The following NET1 variants were observed in gnomAD, a reference collection of about 807,000 sequenced individuals.
NET1 encodes the protein neuroepithelial cell transforming 1, also known as neuroepithelial cell-transforming gene 1 protein.
A neutral mutation model predicts 61.1 loss-of-function variants in NET1; 42 were observed. The ratio of observed to expected loss-of-function variants is 0.69; its 90% CI spans 0.54 to 0.89. The LOEUF is 0.89. NET1 is among the 40% of genes least tolerant of loss of function. NET1 has a pLI of 0.00. For synonymous variants in NET1, 254 were observed against 281.8 expected, an observed-to-expected ratio of 0.90 and a Z score of 0.99; for missense variants, 654 against 747.3, an observed-to-expected ratio of 0.88 and a Z score of 1.46.
In NET1 at chr10:5,435,947, G is replaced by C. The variant is rs1021780068; in HGVS notation, c.255+6718G>C. Among the ~76,000 whole-genome samples, 1 of 151,740 alleles carries C rather than the reference G, an allele frequency of 6.6e-6. No individual in the cohort carries two copies. The highest frequency in any genetic ancestry group is 1.5e-5 in the Non-Finnish European group (1 of 67,918). On this transcript the variant is annotated intron_variant, in intron 3 of 11. Coordinates refer to ENST00000355029, the MANE Select transcript of NET1 (RefSeq NM_001047160.3). This position sits in a 1 kb window ranked among gnomAD's most constrained non-coding sequence, Gnocchi z 5.0. ...ACAATCTTTCCTTTTTATTTTGATA[G>C]GAAGAGTCAAAAGTGACTGTTGACT...
Position 5,452,626 on chromosome 10 carries a change from T to A in NET1, c.531+101T>A. The A allele has an allele frequency of 7.9e-7, 1 of 1,259,786 alleles. No individual in the cohort carries two copies. The highest frequency in any genetic ancestry group is 1.5e-5 in the African/African-American group (1 of 67,236). 78.0% of individuals were successfully genotyped at this position (1,259,786 alleles called of 1,614,324 possible). On this transcript the variant is annotated intron_variant, in intron 5 of 11. Transcript: ENST00000355029. This position sits in a 1 kb window ranked among gnomAD's most constrained non-coding sequence, Gnocchi z 4.0. ...TTTGTGTTTGAGCAACAATTCCTAA[T>A]ACATGGTGAACAAAACCTAATGATG...
rs1388218019 is a variant in NET1, at chr10:5,446,500, A to C, written c.256-5330A>C. The C allele has an allele frequency of 3.0e-6, 3 of 1,004,228 alleles. No homozygotes were observed. The highest frequency in any genetic ancestry group is 3.7e-6 in the Non-Finnish European group (3 of 821,666). 62.2% of individuals were successfully genotyped at this position (1,004,228 alleles called of 1,614,324 possible). ...AAAGCTGAGAGGCCTAGGTGTGCCC[A>C]GCTCTCAGTTAACTGAAGTCACGTG... On this transcript the variant is annotated intron_variant, in intron 3 of 11. Coordinates refer to ENST00000355029, the MANE Select transcript of NET1 (RefSeq NM_001047160.3). This position sits in a 1 kb window ranked among gnomAD's most constrained non-coding sequence, Gnocchi z 5.0.
Position 5,429,159 on chromosome 10 carries a change from T to C in NET1, c.196-11T>C, listed in dbSNP as rs746772393. The C allele has an allele frequency of 6.3e-7, 1 of 1,594,762 alleles. No individual in the cohort carries two copies. Among genetic ancestry groups the C allele is most frequent in the Non-Finnish European group, 8.6e-7 (1 of 1,165,406 alleles). The stretch of plus-strand genomic sequence containing the variant: ...TTTTATATGAGAATGAAATCTCTAT[T>C]TTTCTTTTAGAAAAGAAAACGCAGA... On this transcript the variant is annotated splice_polypyrimidine_tract_variant and intron_variant, in intron 2 of 11. Coordinates refer to ENST00000355029, the MANE Select transcript of NET1 (RefSeq NM_001047160.3).
rs1832365876 is a variant in NET1 at position 5,432,574 on chromosome 10, TTTA to T, written c.255+3348_255+3350del. Among the ~76,000 whole-genome samples the T allele has an allele frequency of 1.0e-4, 15 of 145,656 alleles. No homozygotes were observed. In the South Asian group the frequency reaches 2.9e-3, roughly 29 times the overall value. On this transcript the variant is annotated intron_variant, in intron 3 of 11. Coordinates refer to ENST00000355029, the MANE Select transcript of NET1 (RefSeq NM_001047160.3). ...AGCTCATTTGGTTTTTAAAAAAAATTTTATTGTTTAAGAATTACTGCTTTTTAA... is the reference window on the plus strand; with the variant it reads ...AGCTCATTTGGTTTTTAAAAAAAATTTTGTTTAAGAATTACTGCTTTTTAA...
rs1339314577 is a variant in NET1, at chr10:5,453,209, C to T, written c.595-41C>T. 3 of 1,135,370 alleles carry T rather than the reference C, an allele frequency of 2.6e-6. No homozygotes were observed. The African/African-American group carries it at 4.6e-5, about 17-fold the overall frequency. The allele number at this position is 1,135,370 out of a possible 1,614,324, so 70.3% of individuals were successfully genotyped here. ...CCAAGTATAGATCCCTCATGTTTTCCTCACATGATCTCTCTGTGACACATT... is the reference window on the plus strand; with the variant it reads ...CCAAGTATAGATCCCTCATGTTTTCTTCACATGATCTCTCTGTGACACATT... On this transcript the variant is annotated intron_variant, in intron 6 of 11. Coordinates refer to ENST00000355029, the MANE Select transcript of NET1 (RefSeq NM_001047160.3). This position sits in a 1 kb window ranked among gnomAD's most constrained non-coding sequence, Gnocchi z 4.9.
rs79449479 is a variant in NET1 at position 5,448,582 on chromosome 10, T to C, written c.256-3248T>C. Among the ~76,000 whole-genome samples the C allele has an allele frequency of 9.5e-3, 1,445 of 152,228 alleles. 18 individuals carry two copies. The highest frequency in any genetic ancestry group is 0.033 in the African/African-American group (1,374 of 41,516). ...ACTTTTTTTCCCTCCAAGTGAACTT[T>C]AGCCCTGGTGAAAGGTTCCCTGCAG... On this transcript the variant is annotated intron_variant, in intron 3 of 11. Coordinates refer to ENST00000355029, the MANE Select transcript of NET1 (RefSeq NM_001047160.3).
At chr10:5,436,243 TATA>T (rs1832434831) in intron 3 of NET1, among the ~76,000 whole-genome samples, 1 of 31,480 alleles carries the variant, frequency 3.2e-5, no homozygotes, top group South Asian at 1.0e-3. Context: ...TATATATATA[TATA>T]TATTTTTTTT....
rs1410192394 is a variant in NET1, at chr10:5,440,032, TTG to T, written c.255+10804_255+10805del. On this transcript the variant is annotated intron_variant, in intron 3 of 11. Coordinates refer to ENST00000355029, the MANE Select transcript of NET1 (RefSeq NM_001047160.3). The surrounding 1 kb of genome is among the most constrained non-coding windows in gnomAD (Gnocchi z 4.1). ...GGAGATCCCAGAAAGCCTCAGGCCG[TTG>T]GATCTATTAAAACTTTTCCAACATG... Among the ~76,000 whole-genome samples, 2 of 152,176 alleles carry T rather than the reference TTG, an allele frequency of 1.3e-5. No homozygotes were observed. The highest frequency in any genetic ancestry group is 2.9e-5 in the Non-Finnish European group (2 of 68,018).
In NET1 at chr10:5,453,906, G is replaced by A. The variant is rs535081321; in HGVS notation, c.768+346G>A. 6.6e-6 allele frequency among the ~76,000 whole-genome samples: 1 copy of A among 152,206 alleles called. No individual in the cohort carries two copies. The highest frequency in any genetic ancestry group is 2.1e-4 in the South Asian group (1 of 4,824). On this transcript the variant is annotated intron_variant, in intron 8 of 11. Coordinates refer to ENST00000355029, the MANE Select transcript of NET1 (RefSeq NM_001047160.3). This position sits in a 1 kb window ranked among gnomAD's most constrained non-coding sequence, Gnocchi z 4.9. Reference sequence around the variant, plus strand: ...GAGTCGCTGGGAGTCAGTGATGAAAGGCAGTCTCTGCCTTTATAGCCTAGT... The same window carrying A: ...GAGTCGCTGGGAGTCAGTGATGAAAAGCAGTCTCTGCCTTTATAGCCTAGT...
In NET1 at chr10:5,412,862, A is replaced by G. The variant is rs565461791; in HGVS notation, c.128+42A>G. The G allele has an allele frequency of 5.7e-5, 54 of 943,720 alleles. 1 individual carries two copies. The highest frequency in any genetic ancestry group is 4.5e-4 in the Admixed American group (6 of 13,466). 58.5% of individuals were successfully genotyped at this position (943,720 alleles called of 1,614,324 possible). A position where few individuals can be genotyped will look rare whatever the true frequency, so the allele number is the denominator to read the frequency against. ...GGAGGGCCGAACGGGAGGTGAGTGT[A>G]GGGGAGCGGAGGGCCGAACGGGAGG... On this transcript the variant is annotated intron_variant, in intron 1 of 11. Transcript: ENST00000355029. This position sits in a 1 kb window ranked among gnomAD's most constrained non-coding sequence, Gnocchi z 6.5.
At chr10:5,436,162 GGTGT>G (rs373772351) in intron 3 of NET1, among the ~76,000 whole-genome samples, 7 of 70,070 alleles carry the variant, frequency 1.0e-4, no homozygotes, top group South Asian at 6.2e-4. Flanking sequence ...GTTAAAAGGA[GGTGT>G]GTGTGTGTGT....
chr10:5,414,837 G>A (rs1247797780), intron 1 of NET1, among the ~76,000 whole-genome samples: 1 of 152,158 alleles, frequency 6.6e-6, no homozygotes, highest in Non-Finnish European at 1.5e-5. Flanking sequence ...AGCTATGGAT[G>A]ATATATAGTT....
Position 5,447,774 on chromosome 10 carries a change from T to A in NET1, c.256-4056T>A, listed in dbSNP as rs1187401426. Among the ~76,000 whole-genome samples, 1 of 152,244 alleles carries A rather than the reference T, an allele frequency of 6.6e-6. No homozygotes were observed. The highest frequency in any genetic ancestry group is 1.5e-5 in the Non-Finnish European group (1 of 68,048). On this transcript the variant is annotated intron_variant, in intron 3 of 11. Coordinates refer to ENST00000355029, the MANE Select transcript of NET1 (RefSeq NM_001047160.3). The surrounding 1 kb of genome is among the most constrained non-coding windows in gnomAD (Gnocchi z 4.1). ...TTTGGTGTGGTTTGGCTTTGGTTTT[T>A]GTTCTTGGTTTTGGTCTTTGCCTAT... is the stretch of plus-strand genomic sequence containing the variant.
chr10:5,453,512 C>G lies in NET1; in HGVS notation c.720C>G (p.Thr240=). The G allele has an allele frequency of 6.2e-7, 1 of 1,614,034 alleles. No individual in the cohort carries two copies. The highest frequency in any genetic ancestry group is 8.5e-7 in the Non-Finnish European group (1 of 1,180,012). Residue 240 remains threonine, a synonymous_variant, in exon 8 of 12, where the codon ACC becomes ACG. Transcript: ENST00000355029. This position sits in a 1 kb window ranked among gnomAD's most constrained non-coding sequence, Gnocchi z 4.9. ...TGTTGACAAGAATAGGAGAAGCAAC[C>G]AAGCCTGATGGAACAGTGGAGCAGA... ...EDLLTRIGEA[T]KPDGTVEQIG...
intron 3 of NET1, among the ~76,000 whole-genome samples, chr10:5,429,721 T>C (rs1289677078): frequency 6.6e-6 from 1 of 152,304 alleles, no homozygotes; most frequent in East Asian, 1.9e-4. Context: ...GTATGTGACA[T>C]AGAATAAACT....
chr10:5,455,147 C>T lies in NET1; in HGVS notation c.1197+29C>T, dbSNP rs1832776464. On this transcript the variant is annotated intron_variant, in intron 10 of 11. Coordinates refer to ENST00000355029, the MANE Select transcript of NET1 (RefSeq NM_001047160.3). The surrounding 1 kb of genome is among the most constrained non-coding windows in gnomAD (Gnocchi z 6.5). ...GGTGACTTTTGCTGCCGTGGCAGAG[C>T]AGCCTTCCCTCCTGCCTCTTTAACT... The T allele has an allele frequency of 1.2e-6, 2 of 1,606,552 alleles. No homozygotes were observed. The highest frequency in any genetic ancestry group is 1.7e-6 in the Non-Finnish European group (2 of 1,174,826).
intron 1 of NET1, among the ~76,000 whole-genome samples, chr10:5,425,020 C>T (rs890594923): frequency 1.3e-5 from 2 of 152,210 alleles, no homozygotes; most frequent in African/African-American, 2.4e-5. Context: ...TCTCTGAGTG[C>T]AGTAAGTGAG....
chr10:5,430,601 C>T (rs1376228184), intron 3 of NET1, among the ~76,000 whole-genome samples: 1 of 152,020 alleles, frequency 6.6e-6, no homozygotes, highest in African/African-American at 2.4e-5. Context: ...TCTTGAATTC[C>T]AGACTCGGCC....
Position 5,443,618 on chromosome 10 carries a change from G to T in NET1, c.256-8212G>T, listed in dbSNP as rs1247669048. Reference sequence around the variant, plus strand: ...CATGTTCATCATTCCTTTTTTAGATGCTGTCTACATTTAGACCCCAAACCT... The same window carrying T: ...CATGTTCATCATTCCTTTTTTAGATTCTGTCTACATTTAGACCCCAAACCT... On this transcript the variant is annotated intron_variant, in intron 3 of 11. Transcript: ENST00000355029. The surrounding 1 kb of genome is among the most constrained non-coding windows in gnomAD (Gnocchi z 4.8). 6.6e-6 allele frequency among the ~76,000 whole-genome samples: 1 copy of T among 152,136 alleles called. No homozygotes were observed.
Sources: allele counts gnomAD v4.1 joint callset (sites outside exome capture counted in the v4.1 genomes callset), GRCh38; gene constraint gnomAD v4.1.1; non-coding constraint Gnocchi (gnomAD v3.1); transcripts MANE v1.5; gene names NCBI Gene and HGNC (gene_info 2026-07-23, HGNC 2026-07-21).